The following PGBD5 variants were observed in gnomAD, a reference collection of about 807,000 sequenced individuals.
The protein encoded by PGBD5 is piggyBac transposable element-derived protein 5.
Under a neutral mutation model 47.9 loss-of-function variants are expected in PGBD5, and 14 were observed. The ratio of observed to expected loss-of-function variants is 0.29; its 90% CI spans 0.19 to 0.46. The LOEUF (loss-of-function observed/expected upper bound fraction) is 0.46. PGBD5 is among the 20% of genes least tolerant of loss of function. The pLI, the probability that PGBD5 is intolerant of heterozygous loss-of-function variation, is 1.00. For missense variants in PGBD5, 635 were observed against 716.0 expected (o/e 0.89, Z 1.29); for synonymous variants, 316 against 306.3 (o/e 1.03, Z -0.33).
intron 3 of PGBD5, among the ~76,000 whole-genome samples, chr1:230,344,139 G>A (rs772599215): frequency 2.6e-5 from 4 of 152,170 alleles, no homozygotes; most frequent in Non-Finnish European, 5.9e-5. Flanking sequence ...CAAAAATTTA[G>A]CCGGGCGTGG....
intron 1 of PGBD5, chr1:230,368,220 T>C: frequency 7.7e-7 from 1 of 1,302,236 alleles, no homozygotes; most frequent in Non-Finnish European, 1.0e-6. Flanking sequence ...ACCACTGAAA[T>C]ATACATGGAC....
At chr1:230,327,310 G>A (rs1667135273) in intron 5 of PGBD5, among the ~76,000 whole-genome samples, 1 of 152,080 alleles carries the variant, frequency 6.6e-6, no homozygotes, top group South Asian at 2.1e-4. Context: ...TCCTTTGCAG[G>A]TCCACAGGAG....
chr1:230,371,920 G>A (rs571173772), intron 1 of PGBD5, among the ~76,000 whole-genome samples: 1 of 152,232 alleles, frequency 6.6e-6, no homozygotes, highest in South Asian at 2.1e-4. Context: ...AAAACCTGTG[G>A]GCAAGCTACC....
intron 6 of PGBD5, among the ~76,000 whole-genome samples, chr1:230,324,407 A>T: frequency 6.6e-6 from 1 of 152,182 alleles, no homozygotes; most frequent in East Asian, 1.9e-4. Context: ...CTTTGTAACA[A>T]CCTCATGGAA....
intron 3 of PGBD5, among the ~76,000 whole-genome samples, chr1:230,339,826 G>A (rs1667383655): frequency 6.6e-6 from 1 of 152,180 alleles, no homozygotes; most frequent in African/African-American, 2.4e-5. Context: ...TGGAATGGTG[G>A]TTACGGGGCT....
At chr1:230,330,910 C>T (rs1667203370) in intron 5 of PGBD5, among the ~76,000 whole-genome samples, 1 of 152,176 alleles carries the variant, frequency 6.6e-6, no homozygotes, top group Non-Finnish European at 1.5e-5. Flanking sequence ...ATCAATTGCC[C>T]ATCAATATCC....
rs998502422 is a variant in PGBD5, at chr1:230,319,742, A to C, written c.*3683T>G. ...GTCAGTACTGGATGTGTTTGCTCAG[A>C]ATGACCCAGCCACCAAGACTTTTCC... On this transcript the variant is annotated 3_prime_UTR_variant, in exon 7 of 7. Transcript: ENST00000391860. 1.3e-5 allele frequency: 2 copies of C among 152,100 alleles called. No individual in the cohort carries two copies. Among genetic ancestry groups the C allele is most frequent in the African/African-American group, 4.8e-5 (2 of 41,386 alleles). The allele number at this position is 152,100 out of a possible 1,614,324, so 9.4% of individuals were successfully genotyped here. A position where few individuals can be genotyped will look rare whatever the true frequency, so the allele number is the denominator to read the frequency against.
chr1:230,419,277 G>C (rs1657595348), intron 1 of PGBD5, among the ~76,000 whole-genome samples: 1 of 152,224 alleles, frequency 6.6e-6, no homozygotes, highest in Non-Finnish European at 1.5e-5. Flanking sequence ...TGCAGCTGGA[G>C]GTCATTATCC....
intron 1 of PGBD5, among the ~76,000 whole-genome samples, chr1:230,412,262 T>C (rs1035359457): frequency 1.3e-5 from 2 of 152,216 alleles, no homozygotes; most frequent in African/African-American, 4.8e-5. Flanking sequence ...TGAAAATCTA[T>C]GTATAATTTT....
In PGBD5 at chr1:230,401,301, G is replaced by A. The variant is rs372541618; in HGVS notation, c.331+24297C>T. 1.7e-3 allele frequency among the ~76,000 whole-genome samples: 254 copies of A among 152,332 alleles called. 2 individuals carry two copies. The highest frequency in any genetic ancestry group is 0.011 in the South Asian group (54 of 4,824). On this transcript the variant is annotated intron_variant, in intron 1 of 6. Transcript: ENST00000391860. Reference sequence around the variant, plus strand: ...ACAAAGCACACTGGACACAGGTGGCGCTCATGGCGGGTCAGCATATGCGCA... The same window carrying A: ...ACAAAGCACACTGGACACAGGTGGCACTCATGGCGGGTCAGCATATGCGCA...
intron 3 of PGBD5, among the ~76,000 whole-genome samples, chr1:230,342,368 T>A (rs915101733): frequency 6.6e-6 from 1 of 152,188 alleles, no homozygotes. Flanking sequence ...GGGGGAAGGG[T>A]ATCACATCGT....
intron 1 of PGBD5, among the ~76,000 whole-genome samples, chr1:230,423,985 AATTT>A (rs1331683425): frequency 6.6e-6 from 1 of 152,150 alleles, no homozygotes; most frequent in Non-Finnish European, 1.5e-5. Flanking sequence ...ATGGATTTAA[AATTT>A]ATTTGTGTGC....
intron 2 of PGBD5, among the ~76,000 whole-genome samples, chr1:230,356,279 G>C (rs1017853636): frequency 6.6e-6 from 1 of 152,198 alleles, no homozygotes; most frequent in African/African-American, 2.4e-5. Context: ...TGTCCCAGGT[G>C]CAAGTGGATA....
intron 4 of PGBD5, among the ~76,000 whole-genome samples, chr1:230,333,690 G>T (rs975188765): frequency 6.6e-6 from 1 of 152,254 alleles, no homozygotes; most frequent in African/African-American, 2.4e-5. Context: ...GCGAAGGAAA[G>T]AATAATCCAA....
At chr1:230,383,973 G>C (rs562454149) in intron 1 of PGBD5, among the ~76,000 whole-genome samples, 1 of 152,290 alleles carries the variant, frequency 6.6e-6, no homozygotes, top group Admixed American at 6.5e-5. Flanking sequence ...TGACTTCGGG[G>C]ATAAGCAACA....
chr1:230,400,484 G>A (rs1558212027), intron 1 of PGBD5, among the ~76,000 whole-genome samples: 1 of 152,100 alleles, frequency 6.6e-6, no homozygotes, highest in African/African-American at 2.4e-5. Context: ...AATCTATTTG[G>A]TTCACTGATG....
intron 3 of PGBD5, among the ~76,000 whole-genome samples, chr1:230,349,392 AG>A (rs1454981844): frequency 6.6e-6 from 1 of 152,142 alleles, no homozygotes; most frequent in African/African-American, 2.4e-5. Context: ...TAAATTAGCC[AG>A]GAATGGTGTC....
At chr1:230,364,080 C>T (rs191047755) in intron 1 of PGBD5, among the ~76,000 whole-genome samples, 3 of 152,352 alleles carry the variant, frequency 2.0e-5, no homozygotes, top group East Asian at 1.9e-4. Context: ...CACTCAGTCA[C>T]GAGTGCCTCA....
chr1:230,389,199 G>A (rs1243330872), intron 1 of PGBD5, among the ~76,000 whole-genome samples: 1 of 148,796 alleles, frequency 6.7e-6, no homozygotes, highest in Non-Finnish European at 1.5e-5. Flanking sequence ...TTGATACGGA[G>A]TTTCACTCTT....
Sources: gnomAD v4.1 joint callset for allele counts (sites outside exome capture counted in the v4.1 genomes callset) on GRCh38, gnomAD v4.1.1 for gene constraint, MANE v1.5 for transcripts, NCBI Gene and HGNC (gene_info 2026-07-23, HGNC 2026-07-21) for gene names.